SLC4A1: variants seen among roughly 807,000 people sequenced by gnomAD.
SLC4A1 encodes solute carrier family 4 member 1 (Diego blood group), also known as band 3 anion transport protein.
Under a neutral mutation model 93.1 loss-of-function variants are expected in SLC4A1, and 29 were observed. That is an observed-to-expected ratio of 0.31 (90% confidence interval 0.23 to 0.42). SLC4A1 has a LOEUF of 0.42. Among genes scored for constraint, SLC4A1 ranks in the 20% least tolerant of loss-of-function variants. The pLI, the probability that SLC4A1 is intolerant of heterozygous loss-of-function variation, is 1.00. For synonymous variants in SLC4A1, 469 were observed against 497.2 expected (o/e 0.94, Z 0.76); for missense variants, 965 against 1,190.1 (o/e 0.81, Z 2.78).
chr17:44,250,315 TC>T lies in SLC4A1; in HGVS notation c.*142del, dbSNP rs1598294620. 29 of 719,994 alleles carry T rather than the reference TC, an allele frequency of 4.0e-5. No individual in the cohort carries two copies. In the East Asian group the frequency reaches 7.8e-4, roughly 19 times the overall value. The allele number at this position is 719,994 out of a possible 1,614,324, so 44.6% of individuals were successfully genotyped here. A position where few individuals can be genotyped will look rare whatever the true frequency, so the allele number is the denominator to read the frequency against. On this transcript the variant is annotated 3_prime_UTR_variant, in exon 20 of 20. Transcript: ENST00000262418. ...TGTGGAAGGTCTCCTGGACACGCCT[TC>T]CTTCCCCACCCACAGCCCTGGGGCC... is the stretch of plus-strand genomic sequence containing the variant.
Position 44,260,628 on chromosome 17 carries a change from G to A in SLC4A1, c.349+7C>T. On this transcript the variant is annotated splice_region_variant and intron_variant, in intron 5 of 19. Transcript: ENST00000262418. ...GCAGGGGGTCCAGAAGGGCCCAGGAGGCTCACCCTTGGTGAAGACTCTACG... is the reference window on the plus strand; with the variant it reads ...GCAGGGGGTCCAGAAGGGCCCAGGAAGCTCACCCTTGGTGAAGACTCTACG... 1 of 1,614,132 alleles carries A rather than the reference G, an allele frequency of 6.2e-7. No individual in the cohort carries two copies. The highest frequency in any genetic ancestry group is 8.5e-7 in the Non-Finnish European group (1 of 1,179,984).
intron 16 of SLC4A1, among the ~76,000 whole-genome samples, chr17:44,253,783 T>C (rs1171676310): frequency 1.3e-5 from 2 of 152,048 alleles, no homozygotes; most frequent in Non-Finnish European, 2.9e-5. Flanking sequence ...GTGATTTTCC[T>C]GCTTCAGCCT....
chr17:44,262,922 G>T lies in SLC4A1; in HGVS notation c.-56C>A. The T allele has an allele frequency of 6.2e-7, 1 of 1,613,048 alleles. No homozygotes were observed. The highest frequency in any genetic ancestry group is 8.5e-7 in the Non-Finnish European group (1 of 1,179,994). On this transcript the variant is annotated 5_prime_UTR_variant, in exon 2 of 20. Coordinates refer to ENST00000262418, the MANE Select transcript of SLC4A1 (RefSeq NM_000342.4). ...GTGATCTGAGCCCCCAGCATAACCC[G>T]CACCGCGGGTCCCTGCAGCAGAGGG...
At position 44,248,849 on chromosome 17, in the gene SLC4A1, G is replaced by GTTTTTTTTTTTTT. The variant is rs57466226; in HGVS notation, c.*1596_*1608dup. Reference sequence around the variant, plus strand: ...GCCCCCAAGGCTGATGTTTCCTTCCGTTTTTTTTTTTTTTTTTTTTTTTTT... The same window carrying GTTTTTTTTTTTTT: ...GCCCCCAAGGCTGATGTTTCCTTCCGTTTTTTTTTTTTTTTTTTTTTTTTTTTTTTTTTTTTTT... On this transcript the variant is annotated 3_prime_UTR_variant, in exon 20 of 20. Coordinates refer to ENST00000262418, the MANE Select transcript of SLC4A1 (RefSeq NM_000342.4). 3 of 71,680 alleles carry GTTTTTTTTTTTTT rather than the reference G, an allele frequency of 4.2e-5. 1 individual carries two copies. The highest frequency in any genetic ancestry group is 7.1e-5 in the Non-Finnish European group (3 of 42,492). The allele number at this position is 71,680 out of a possible 1,614,324, so 4.4% of individuals were successfully genotyped here.
intron 3 of SLC4A1, 60 bp downstream of exon 3, chr17:44,262,576 C>T: frequency 1.5e-6 from 2 of 1,313,732 alleles, no homozygotes; most frequent in African/African-American, 1.5e-5. Flanking sequence ...ACAAGTGCCC[C>T]TCCTGTCCCT....
chr17:44,261,760 G>T, intron 3 of SLC4A1, 124 bp from the exon 4 acceptor site: 1 of 1,552,816 alleles, frequency 6.4e-7, no homozygotes, highest in Admixed American at 1.8e-5. Flanking sequence ...GCCCTGGGCT[G>T]GGTCTCTGGT....
intron 13 of SLC4A1, 99 bp from the exon 14 acceptor site, chr17:44,255,945 C>T: frequency 9.3e-7 from 1 of 1,078,182 alleles, no homozygotes; most frequent in African/African-American, 1.5e-5. Context: ...TCCATTCATC[C>T]AGTCATCTAT....
At position 44,260,353 on chromosome 17, in the gene SLC4A1, G is replaced by C. The variant is rs534692529; in HGVS notation, c.485+51C>G. On this transcript the variant is annotated intron_variant, in intron 6 of 19. Coordinates refer to ENST00000262418, the MANE Select transcript of SLC4A1 (RefSeq NM_000342.4). ...GGGAGAACTTGGGGCAAGTGGGCTG[G>C]GGAAGTGGGCCCACTGGATATGGAA... 3 of 1,587,572 alleles carry C rather than the reference G, an allele frequency of 1.9e-6. No individual in the cohort carries two copies. In the South Asian group the frequency reaches 3.4e-5, roughly 18 times the overall value.
intron 8 of SLC4A1, 67 bp from the exon 9 acceptor site, chr17:44,259,411 C>T: frequency 6.2e-7 from 1 of 1,605,566 alleles, no homozygotes; most frequent in Non-Finnish European, 8.5e-7. Context: ...AGAGATGGGG[C>T]TGCGGGGGTC....
chr17:44,267,197 G>T (rs980135153), intron 1 of SLC4A1, among the ~76,000 whole-genome samples: 8 of 152,176 alleles, frequency 5.3e-5, no homozygotes, highest in African/African-American at 1.9e-4. Context: ...CTGTTAGCTG[G>T]TTTAGAGTTA....
intron 1 of SLC4A1, among the ~76,000 whole-genome samples, chr17:44,264,620 G>A (rs961461426): frequency 1.3e-5 from 2 of 152,246 alleles, no homozygotes; most frequent in African/African-American, 4.8e-5. Context: ...CTGTCACGTA[G>A]TAGGTGCTCA....
chr17:44,261,550 G>T (rs1481514902), intron 4 of SLC4A1, 25 bp downstream of exon 4: 1 of 1,614,086 alleles, frequency 6.2e-7, no homozygotes, highest in East Asian at 2.2e-5. Flanking sequence ...GCATGGGAAA[G>T]AACGGAGGAG....
At position 44,259,851 on chromosome 17, in the gene SLC4A1, G is replaced by C. The variant is rs746103796; in HGVS notation, c.567C>G (p.Leu189=). ...TRSGDPSQPL[L]PQHSSLETQL... is the part of the protein sequence containing the mutation. ...GTGTCTCCAGTGAGGAGTGTTGGGG[G>C]AGCAGAGGCTGTGAAGGATCCCCAG... Residue 189 remains leucine (L), a synonymous_variant, in exon 7 of 20, where the codon CTC becomes CTG. Transcript: ENST00000262418. 1.2e-5 allele frequency: 20 copies of C among 1,613,958 alleles called. No individual in the cohort carries two copies. The highest frequency in any genetic ancestry group is 1.6e-5 in the Non-Finnish European group (19 of 1,180,036).
chr17:44,251,253 G>A lies in SLC4A1; in HGVS notation c.2561C>T (p.Pro854Leu), dbSNP rs2285644. 4,490 of 1,614,206 alleles carry A rather than the reference G, an allele frequency of 2.8e-3. 80 individuals are homozygous for A. The East Asian group carries it at 0.039, about 14-fold the overall frequency. The change falls in exon 19 of 20, where the codon CCG becomes CTG. Residue 854 changes from proline (P) to leucine (L), a missense_variant. Physicochemically the swap from Pro to Leu is moderately conservative, Grantham distance 98 (BLOSUM62 -3). Around this residue, in one of 2 missense-constraint regions of SLC4A1, gnomAD observed 770 missense variants for 1,006.6 expected, o/e 0.76. Transcript: ENST00000262418. ...LAVLWVVKST[P>L]ASLALPFVLI... is the part of the protein sequence containing the mutation. ...GACGAAGGGCAGGGCCAGGGAGGCCGGCGTGGACTTCACCACCCACAGCAC... is the reference window on the plus strand; with the variant it reads ...GACGAAGGGCAGGGCCAGGGAGGCCAGCGTGGACTTCACCACCCACAGCAC...
chr17:44,251,725 T>C (rs867686248), intron 17 of SLC4A1, 137 bp from the exon 18 acceptor site: 49 of 646,854 alleles, frequency 7.6e-5, no homozygotes, highest in Non-Finnish European at 1.0e-4. Context: ...CTTTTCTTTT[T>C]TTTTTTTTTT....
At chr17:44,260,285 A>G in intron 6 of SLC4A1, 119 bp downstream of exon 6, 1 of 1,275,252 alleles carries the variant, frequency 7.8e-7, no homozygotes, top group Non-Finnish European at 1.1e-6. Context: ...AGTGGAGGAA[A>G]GTGGGCCCCT....
chr17:44,255,953 T>C, intron 13 of SLC4A1, 107 bp from the exon 14 acceptor site: 1 of 1,008,636 alleles, frequency 9.9e-7, no homozygotes. Flanking sequence ...TCCAGTCATC[T>C]ATTAATTCAT....
At chr17:44,252,177 T>A (rs2047349207) in intron 17 of SLC4A1, among the ~76,000 whole-genome samples, 1 of 146,670 alleles carries the variant, frequency 6.8e-6, no homozygotes, top group South Asian at 2.2e-4. Context: ...TGCCTCAGCC[T>A]CCCAAGTAGC....
intron 1 of SLC4A1, among the ~76,000 whole-genome samples, chr17:44,265,677 T>A (rs1287233809): frequency 2.0e-5 from 3 of 152,068 alleles, no homozygotes; most frequent in African/African-American, 7.2e-5. Flanking sequence ...AGCCAAGCAC[T>A]GGTGAGATGT....
Sources: gnomAD v4.1 joint callset for allele counts (sites outside exome capture counted in the v4.1 genomes callset) on GRCh38, gnomAD v4.1.1 for gene constraint, gnomAD v4.1.1 regional missense constraint, MANE v1.5 for transcripts, NCBI Gene and HGNC (gene_info 2026-07-23, HGNC 2026-07-21) for gene names.